The following MID1 variants were observed in gnomAD, a reference collection of about 807,000 sequenced individuals.
MID1 encodes the protein midline 1.
MID1 carries 7 observed loss-of-function variants against 40.4 expected under a neutral mutation model. The ratio of observed to expected loss-of-function variants is 0.17; its 90% confidence interval spans 0.10 to 0.33. The LOEUF (loss-of-function observed/expected upper bound fraction) is 0.33, where lower values mean the gene tolerates loss of function less well. Ranked by LOEUF, MID1 falls within the 10% of genes least tolerant of loss-of-function variation. The pLI is 1.00. For missense variants in MID1, 367 were observed against 558.5 expected (o/e 0.66, Z 3.46); for synonymous variants, 229 against 221.2 (o/e 1.04, Z -0.31).
intron 2 of MID1, among the ~76,000 whole-genome samples, chrX:10,564,584 T>G (rs905805483): frequency 1.8e-5 from 2 of 111,898 alleles, no homozygotes; most frequent in African/African-American, 6.5e-5. Flanking sequence ...GCCCTCCATG[T>G]GACAGTAGAA....
At chrX:10,495,433 A>C in intron 4 of MID1, 151 bp downstream of exon 4, 2 of 470,291 alleles carry the variant, frequency 4.3e-6, no homozygotes, top group Non-Finnish European at 7.3e-6. Flanking sequence ...CTGCCAAGCA[A>C]AGGCCTTTTA....
chrX:10,482,593 T>C lies in MID1; in HGVS notation c.900A>G (p.Ala300=), dbSNP rs1221754470. ...MRLRKLAQQI[A]NCKQCIERSA... ...ACCGCTCAATGCACTGTTTGCAGTTTGCAATCTGCTGAGCCAGTTTGCGAA... is the reference window on the plus strand; with the variant it reads ...ACCGCTCAATGCACTGTTTGCAGTTCGCAATCTGCTGAGCCAGTTTGCGAA... Residue 300 remains alanine, a synonymous_variant, in exon 5 of 10, where the codon GCA becomes GCG. Transcript: ENST00000317552. 2.2e-5 allele frequency: 27 copies of C among 1,209,412 alleles called. No individual in the cohort carries two copies. The highest frequency in any genetic ancestry group is 2.9e-5 in the Non-Finnish European group (26 of 895,076).
intron 1 of MID1, among the ~76,000 whole-genome samples, chrX:10,750,587 C>A (rs371522631): frequency 9.1e-6 from 1 of 110,072 alleles, no homozygotes; most frequent in Non-Finnish European, 1.9e-5. Context: ...GCTGAGATCA[C>A]GCCACTGCAC....
chrX:10,788,681 G>T (rs1158881403), intron 1 of MID1, among the ~76,000 whole-genome samples: 1 of 111,521 alleles, frequency 9.0e-6, no homozygotes, highest in African/African-American at 3.3e-5. Flanking sequence ...TTTGGGGGTG[G>T]ATGTTACTGG....
chrX:10,646,962 A>G (rs1192662126), intron 1 of MID1, among the ~76,000 whole-genome samples: 1 of 111,761 alleles, frequency 8.9e-6, no homozygotes, highest in Non-Finnish European at 1.9e-5. Flanking sequence ...TTTTTGCTTG[A>G]TTTTAACAAT....
At chrX:10,514,374 C>CA (rs1932300060) in intron 3 of MID1, among the ~76,000 whole-genome samples, 1 of 112,098 alleles carries the variant, frequency 8.9e-6, no homozygotes, top group Non-Finnish European at 1.9e-5. Context: ...CCAAAATACT[C>CA]AAAGATTTTT....
At position 10,704,739 on chromosome X, in the gene MID1, T is replaced by TACACAC. The variant is rs1189463440; in HGVS notation, c.-186-84326_-186-84321dup. On this transcript the variant is annotated intron_variant, in intron 1 of 10. Coordinates refer to the MID1 transcript ENST00000380785. The stretch of plus-strand genomic sequence containing the variant: ...GTGTATATATATATATATATATATA[T>TACACAC]ACACACACACACACACACACACACA... 6.8e-3 allele frequency among the ~76,000 whole-genome samples: 558 copies of TACACAC among 82,086 alleles called. 13 individuals carry two copies. Among genetic ancestry groups the TACACAC allele is most frequent in the African/African-American group, 0.028 (532 of 18,820 alleles). The allele number at this position is 82,086 out of a possible 115,157, so 71.3% of individuals were successfully genotyped here.
chrX:10,825,347 T>C (rs2044208018), intron 1 of MID1, among the ~76,000 whole-genome samples: 1 of 112,048 alleles, frequency 8.9e-6, no homozygotes, highest in Non-Finnish European at 1.9e-5. Context: ...CAGCTTTCAC[T>C]GCCTAATGAC....
intron 1 of MID1, among the ~76,000 whole-genome samples, chrX:10,584,194 G>A (rs111369649): frequency 0.019 from 2,070 of 111,535 alleles, 22 homozygotes; most frequent in Admixed American, 0.029. Flanking sequence ...TTTTAATAGC[G>A]GCATTAATCC....
At chrX:10,783,324 T>C (rs2043858786) in intron 1 of MID1, among the ~76,000 whole-genome samples, 2 of 112,063 alleles carry the variant, frequency 1.8e-5, no homozygotes, top group African/African-American at 6.5e-5. Flanking sequence ...CATTTTTTAA[T>C]GTAAATCTCT....
At chrX:10,509,641 C>T (rs1031637877) in intron 3 of MID1, among the ~76,000 whole-genome samples, 14 of 111,666 alleles carry the variant, frequency 1.3e-4, no homozygotes, top group African/African-American at 4.6e-4. Context: ...CTTGTGTGCA[C>T]TAGCATTACT....
chrX:10,779,971 T>A (rs2043833608), intron 1 of MID1, among the ~76,000 whole-genome samples: 1 of 109,797 alleles, frequency 9.1e-6, no homozygotes, highest in Non-Finnish European at 1.9e-5. Context: ...CTTTGTTTTT[T>A]TTTTGAGATG....
At chrX:10,501,684 A>AT (rs1931551210) in intron 3 of MID1, 1 of 532,015 alleles carries the variant, frequency 1.9e-6, no homozygotes, top group African/African-American at 2.3e-5. Flanking sequence ...ATTAATGCTC[A>AT]TATCTGCCAC....
At chrX:10,483,392 G>T (rs1388950822) in intron 4 of MID1, among the ~76,000 whole-genome samples, 2 of 111,862 alleles carry the variant, frequency 1.8e-5, no homozygotes, top group South Asian at 7.5e-4. Context: ...ATTCTGTCTC[G>T]CTTGAAAATG....
At chrX:10,764,094 C>A (rs899064522) in intron 1 of MID1, among the ~76,000 whole-genome samples, 1 of 111,388 alleles carries the variant, frequency 9.0e-6, no homozygotes, top group Non-Finnish European at 1.9e-5. Flanking sequence ...AGATTGTAAA[C>A]ATTTTCTCCC....
At position 10,469,998 on chromosome X, in the gene MID1, TG is replaced by T. The variant is rs751548655; in HGVS notation, c.1142-159del. Among the ~76,000 whole-genome samples, 7 of 112,298 alleles carry T rather than the reference TG, an allele frequency of 6.2e-5. No homozygotes were observed. In the Admixed American group the frequency reaches 6.6e-4, roughly 11 times the overall value. On this transcript the variant is annotated intron_variant, in intron 6 of 9. Transcript: ENST00000317552. ...CCAATCTAAAGAATATCTGATTGGC[TG>T]GTTATTGCTTTTGTTTTTAATAAGG...
chrX:10,681,173 A>C (rs1015146758), intron 1 of MID1, among the ~76,000 whole-genome samples: 3 of 110,904 alleles, frequency 2.7e-5, no homozygotes, highest in African/African-American at 9.8e-5. Flanking sequence ...TGACAATAAA[A>C]ATGTCTAAAA....
At chrX:10,604,321 G>A (rs1207453484) in intron 1 of MID1, among the ~76,000 whole-genome samples, 1 of 111,134 alleles carries the variant, frequency 9.0e-6, no homozygotes, top group Admixed American at 9.6e-5. Context: ...AGACAAGAGC[G>A]GCATGAGAAA....
At chrX:10,723,899 C>T (rs1286006713) in intron 1 of MID1, among the ~76,000 whole-genome samples, 1 of 112,250 alleles carries the variant, frequency 8.9e-6, no homozygotes, top group Non-Finnish European at 1.9e-5. Flanking sequence ...ATATTTAAAC[C>T]ATCTGTAACT....
Sources: allele counts gnomAD v4.1 joint callset (sites outside exome capture counted in the v4.1 genomes callset), GRCh38; gene constraint gnomAD v4.1.1; transcripts MANE v1.5; gene names NCBI Gene and HGNC (gene_info 2026-07-23, HGNC 2026-07-21).